Variants in TMPRSS9 observed in about 807,000 individuals in gnomAD.
TMPRSS9 encodes the protein transmembrane protease serine 9.
A neutral mutation model predicts 111.4 loss-of-function variants in TMPRSS9; 113 were observed. The ratio of observed to expected loss-of-function variants is 1.01; its 90% CI spans 0.87 to 1.19. TMPRSS9 has a LOEUF of 1.19. Ranked by LOEUF, TMPRSS9 falls within the 50% of genes most tolerant of loss-of-function variation. The pLI is 0.00. For synonymous variants in TMPRSS9, 805 were observed against 659.1 expected (o/e 1.22, Z -3.39); for missense variants, 1,803 against 1,513.1 (o/e 1.19, Z -3.18).
In TMPRSS9 at chr19:2,422,255, G is replaced by A. The variant is rs760921230; in HGVS notation, c.2548+8G>A. 4.7e-6 allele frequency: 7 copies of A among 1,499,628 alleles called. No individual in the cohort carries two copies. In the African/African-American group the frequency reaches 9.8e-5, roughly 21 times the overall value. 92.9% of individuals were successfully genotyped at this position (1,499,628 alleles called of 1,614,324 possible). ...CACACACCCAGCTACCAGGTACCGG[G>A]AGAGACGGAGGGATCCCTGGGAGTG... On this transcript the variant is annotated splice_region_variant and intron_variant, in intron 14 of 17. Transcript: ENST00000648592.
chr19:2,384,682 G>A (rs927684087), intron 1 of TMPRSS9, among the ~76,000 whole-genome samples: 4 of 152,142 alleles, frequency 2.6e-5, no homozygotes, highest in Non-Finnish European at 1.5e-5. Flanking sequence ...AGGCGTGGTG[G>A]CGGGCGCCTG....
rs1285174060 is a variant in TMPRSS9, at chr19:2,423,624, A to AC, written c.2549-462dup. ...GGGTCCCTGAAACCCCCTGGAAACCACCCACGTGTTCTTTCCACAGCTGGG... is the reference window on the plus strand; with the variant it reads ...GGGTCCCTGAAACCCCCTGGAAACCACCCCACGTGTTCTTTCCACAGCTGGG... On this transcript the variant is annotated intron_variant, in intron 14 of 17. Transcript: ENST00000648592. 3.9e-5 allele frequency among the ~76,000 whole-genome samples: 6 copies of AC among 152,008 alleles called. No individual in the cohort carries two copies. The East Asian group carries it at 1.2e-3, about 29-fold the overall frequency.
exon 15 of TMPRSS9, chr19:2,424,202 G>A (rs1436997131): frequency 2.7e-6 from 4 of 1,454,650 alleles, no homozygotes; most frequent in Non-Finnish European, 3.6e-6. Flanking sequence ...ACACCGTTGC[G>A]GGGCCGTGCT....
chr19:2,404,007 A>T (rs572851265), intron 6 of TMPRSS9, among the ~76,000 whole-genome samples: 46 of 150,854 alleles, frequency 3.0e-4, no homozygotes, highest in Non-Finnish European at 6.5e-4. Flanking sequence ...AAAAAAAAAA[A>T]AAGAAAAAAA....
intron 1 of TMPRSS9, among the ~76,000 whole-genome samples, chr19:2,360,904 G>A (rs926687629): frequency 2.6e-5 from 4 of 151,172 alleles, no homozygotes; most frequent in Admixed American, 6.6e-5. Flanking sequence ...GTGTGTGGAC[G>A]TAGCCGGGAT....
At chr19:2,413,854 C>A (rs1308189519) in exon 10 of TMPRSS9, 1 of 1,613,626 alleles carries the variant, frequency 6.2e-7, no homozygotes, top group Admixed American at 1.7e-5. Flanking sequence ...GAGGCCACCA[C>A]CAAAGCCAGC....
intron 11 of TMPRSS9, chr19:2,416,324 T>C (rs1015726567): frequency 3.2e-6 from 2 of 622,004 alleles, no homozygotes; most frequent in South Asian, 2.3e-5. Flanking sequence ...GTCCCCTGAC[T>C]TGTCCGAGGT....
At chr19:2,367,250 A>G (rs1250034355) in intron 1 of TMPRSS9, among the ~76,000 whole-genome samples, 2 of 152,186 alleles carry the variant, frequency 1.3e-5, no homozygotes, top group African/African-American at 4.8e-5. Flanking sequence ...CCACATCTAT[A>G]ACCTTGGGCA....
intron 12 of TMPRSS9, among the ~76,000 whole-genome samples, chr19:2,417,775 G>A (rs557428210): frequency 1.3e-5 from 2 of 152,308 alleles, no homozygotes; most frequent in East Asian, 3.9e-4. Flanking sequence ...CCAGGTGCTA[G>A]GGCGGCAGCC....
chr19:2,424,060 G>A lies in TMPRSS9; in HGVS notation c.2549-29G>A, dbSNP rs779795865. On this transcript the variant is annotated intron_variant, in intron 14 of 17. Transcript: ENST00000648592. ...TTCGTGGAGGAGGTGCCCTGGGTCC[G>A]CCTGCCCACGCGCCTGGCTCCCCCG... is the stretch of plus-strand genomic sequence containing the variant. 8 of 1,255,412 alleles carry A rather than the reference G, an allele frequency of 6.4e-6. No homozygotes were observed. In the South Asian group the frequency reaches 1.2e-4, roughly 18 times the overall value. The allele number at this position is 1,255,412 out of a possible 1,614,324, so 77.8% of individuals were successfully genotyped here. A position where few individuals can be genotyped will look rare whatever the true frequency, so the allele number is the denominator to read the frequency against.
At chr19:2,399,220 C>T (rs1970776517) in intron 4 of TMPRSS9, 27 bp downstream of exon 5, 1 of 1,553,244 alleles carries the variant, frequency 6.4e-7, no homozygotes, top group Non-Finnish European at 8.7e-7. Flanking sequence ...GACCGAAACC[C>T]CATCACGAGG....
chr19:2,424,159 G>C, exon 15 of TMPRSS9: 1 of 1,459,214 alleles, frequency 6.9e-7, no homozygotes, highest in Non-Finnish European at 9.1e-7. Context: ...GGGAGTGGCC[G>C]TGGCAGGTGA....
chr19:2,422,152 C>G, exon 14 of TMPRSS9: 3 of 1,589,144 alleles, frequency 1.9e-6, no homozygotes, highest in Non-Finnish European at 1.7e-6. Context: ...ACGGGCCAAC[C>G]TGCCAACTCA....
chr19:2,417,924 G>A (rs1167458133), intron 12 of TMPRSS9, 78 bp from the exon 14 acceptor site: 7 of 1,570,162 alleles, frequency 4.5e-6, no homozygotes, highest in East Asian at 2.2e-5. Flanking sequence ...GCTGCATCTC[G>A]GGGCTGTTAT....
chr19:2,378,110 C>T (rs949667289), intron 1 of TMPRSS9, among the ~76,000 whole-genome samples: 6 of 152,032 alleles, frequency 3.9e-5, no homozygotes, highest in African/African-American at 7.2e-5. Flanking sequence ...AAACTCCTGG[C>T]CTCAAGCAAT....
In TMPRSS9 at chr19:2,379,043, G is replaced by A. The variant is rs541306731; in HGVS notation, c.-25-10718G>A. Among the ~76,000 whole-genome samples the A allele has an allele frequency of 6.6e-5, 10 of 152,154 alleles. No homozygotes were observed. In the South Asian group the frequency reaches 2.1e-3, roughly 32 times the overall value. On this transcript the variant is annotated intron_variant, in intron 1 of 17. Coordinates refer to the TMPRSS9 transcript ENST00000649857. The stretch of plus-strand genomic sequence containing the variant: ...GAACTACAATTGAAGATGAGATTTG[G>A]GTGGGGACACAGCCAAACCATATTA...
chr19:2,400,185 C>T (rs1359516409), intron 4 of TMPRSS9, among the ~76,000 whole-genome samples: 1 of 152,200 alleles, frequency 6.6e-6, no homozygotes, highest in African/African-American at 2.4e-5. Context: ...CTGGATTTGG[C>T]CTATGGCCGT....
chr19:2,396,466 C>A, intron 1 of TMPRSS9, 73 bp from the exon 3 acceptor site: 1 of 1,489,326 alleles, frequency 6.7e-7, no homozygotes, highest in South Asian at 1.3e-5. Flanking sequence ...CAGGGCGGGG[C>A]CTGGGTGGCA....
In TMPRSS9 at chr19:2,426,110, C is replaced by G. The variant is rs766817683; in HGVS notation, c.*22C>G. On this transcript the variant is annotated 3_prime_UTR_variant, in exon 18 of 18. Transcript: ENST00000648592. ...GTGACCACCACGTGACTGCCCAGGC[C>G]GAGACTCTACGTGAAAGCAACAGGA... 3.8e-6 allele frequency: 6 copies of G among 1,588,328 alleles called. No individual in the cohort carries two copies. The East Asian group carries it at 6.9e-5, about 18-fold the overall frequency.
Sources: allele counts gnomAD v4.1 joint callset (sites outside exome capture counted in the v4.1 genomes callset), GRCh38; gene constraint gnomAD v4.1.1; transcripts MANE v1.5; gene names NCBI Gene and HGNC (gene_info 2026-07-23, HGNC 2026-07-21).